The following ADAMTSL1 variants were observed in gnomAD, a reference collection of about 807,000 sequenced individuals.
The protein encoded by ADAMTSL1 is ADAMTS-like protein 1.
ADAMTSL1 carries 126 observed loss-of-function variants against 201.8 expected under a neutral mutation model. The ratio of observed to expected loss-of-function variants is 0.62; its 90% CI spans 0.54 to 0.72. The LOEUF (loss-of-function observed/expected upper bound fraction) is 0.72, where lower values mean the gene tolerates loss of function less well. Ranked by LOEUF, ADAMTSL1 falls within the 30% of genes least tolerant of loss-of-function variation. ADAMTSL1 has a pLI of 0.00. For synonymous variants in ADAMTSL1, 1,121 were observed against 903.4 expected, an observed-to-expected ratio of 1.24 and a Z score of -4.32; for missense variants, 2,679 against 2,277.8, an observed-to-expected ratio of 1.18 and a Z score of -3.59.
At chr9:18,634,311 C>G (rs951324071) in intron 5 of ADAMTSL1, among the ~76,000 whole-genome samples, 1 of 152,118 alleles carries the variant, frequency 6.6e-6, no homozygotes, top group Admixed American at 6.6e-5. Context: ...CCCATGCAAT[C>G]CCAGCACTTT....
chr9:18,725,390 C>T (rs540222771), intron 15 of ADAMTSL1, among the ~76,000 whole-genome samples: 1 of 152,252 alleles, frequency 6.6e-6, no homozygotes, highest in Admixed American at 6.5e-5. Flanking sequence ...GATGTTAATC[C>T]CTTCACAACT....
Position 18,203,121 on chromosome 9 carries a change from C to T in ADAMTSL1, c.207+39140C>T, listed in dbSNP as rs191062516. Among the ~76,000 whole-genome samples the T allele has an allele frequency of 9.9e-5, 15 of 152,242 alleles. No homozygotes were observed. The East Asian group carries it at 2.5e-3, about 26-fold the overall frequency. Reference sequence around the variant, plus strand: ...TGATCCCAAAGCTGTCCATGAATTGCACAAAGGCCGTGCTCATGCTCTGTT... The same window carrying T: ...TGATCCCAAAGCTGTCCATGAATTGTACAAAGGCCGTGCTCATGCTCTGTT... On this transcript the variant is annotated intron_variant, in intron 2 of 29. Coordinates refer to the ADAMTSL1 transcript ENST00000680146.
chr9:18,244,007 T>G (rs1831165014), intron 2 of ADAMTSL1, among the ~76,000 whole-genome samples: 1 of 152,058 alleles, frequency 6.6e-6, no homozygotes, highest in Non-Finnish European at 1.5e-5. Context: ...TGATTTTGCA[T>G]TTTTCCTTTT....
At chr9:18,713,953 A>G (rs1260743717) in intron 14 of ADAMTSL1, among the ~76,000 whole-genome samples, 2 of 149,972 alleles carry the variant, frequency 1.3e-5, no homozygotes, top group Admixed American at 1.3e-4. Context: ...TCTCACTCAA[A>G]ACTGCTCAAC....
intron 1 of ADAMTSL1, among the ~76,000 whole-genome samples, chr9:18,481,339 G>A (rs560470692): frequency 6.6e-6 from 1 of 152,216 alleles, no homozygotes; most frequent in African/African-American, 2.4e-5. Context: ...GAGGTCAGGA[G>A]TTCGAGACCA....
chr9:18,186,785 AATT>A (rs1828753459), intron 2 of ADAMTSL1, among the ~76,000 whole-genome samples: 1 of 151,930 alleles, frequency 6.6e-6, no homozygotes, highest in Middle Eastern at 3.4e-3. Context: ...CATGCTGGGA[AATT>A]ATTATTATCA....
At chr9:18,582,402 T>C (rs1164361102) in intron 4 of ADAMTSL1, among the ~76,000 whole-genome samples, 1 of 152,198 alleles carries the variant, frequency 6.6e-6, no homozygotes, top group Non-Finnish European at 1.5e-5. Flanking sequence ...TTGGCTGTGT[T>C]CTGACCCAAA....
intron 2 of ADAMTSL1, among the ~76,000 whole-genome samples, chr9:18,182,001 A>C (rs1256692591): frequency 4.6e-5 from 7 of 152,106 alleles, no homozygotes; most frequent in African/African-American, 1.2e-4. Context: ...ACATGGATGA[A>C]ATTGGAAATC....
chr9:18,529,917 CTTTTG>C (rs1055564789), intron 2 of ADAMTSL1, among the ~76,000 whole-genome samples: 1 of 152,100 alleles, frequency 6.6e-6, no homozygotes, highest in Non-Finnish European at 1.5e-5. Context: ...CTTTGCTTTG[CTTTTG>C]TTTTGTTTTG....
At chr9:18,546,486 C>G (rs891617184) in intron 3 of ADAMTSL1, among the ~76,000 whole-genome samples, 13 of 152,042 alleles carry the variant, frequency 8.6e-5, no homozygotes, top group Non-Finnish European at 1.9e-4. Flanking sequence ...TACTTTATAG[C>G]TCTTTAACAC....
intron 3 of ADAMTSL1, among the ~76,000 whole-genome samples, chr9:18,568,591 T>C (rs900978617): frequency 5.9e-5 from 9 of 152,212 alleles, no homozygotes; most frequent in African/African-American, 1.9e-4. Flanking sequence ...ATAAAGTAGA[T>C]GCCTTGCTAG....
At chr9:18,462,640 T>C (rs749688376) in intron 2 of ADAMTSL1, among the ~76,000 whole-genome samples, 1 of 152,016 alleles carries the variant, frequency 6.6e-6, no homozygotes, top group Non-Finnish European at 1.5e-5. Flanking sequence ...ATTTAATCAG[T>C]AGAAGAAGGA....
At chr9:17,921,587 C>T (rs777188797) in intron 1 of ADAMTSL1, among the ~76,000 whole-genome samples, 1 of 152,076 alleles carries the variant, frequency 6.6e-6, no homozygotes, top group Non-Finnish European at 1.5e-5. Context: ...GATCCAGTTC[C>T]CAATCTTGTT....
intron 1 of ADAMTSL1, among the ~76,000 whole-genome samples, chr9:18,048,745 C>T (rs1363203731): frequency 6.6e-6 from 1 of 152,180 alleles, no homozygotes; most frequent in Non-Finnish European, 1.5e-5. Flanking sequence ...TCCTTACCAG[C>T]TTTGTTTATA....
intron 2 of ADAMTSL1, among the ~76,000 whole-genome samples, chr9:18,250,379 G>T (rs753086774): frequency 3.7e-4 from 56 of 152,200 alleles, no homozygotes; most frequent in Non-Finnish European, 6.2e-4. Context: ...CTTTGGGAGA[G>T]ATATCTGGAG....
intron 14 of ADAMTSL1, among the ~76,000 whole-genome samples, chr9:18,714,504 G>T (rs552929954): frequency 0.023 from 3,428 of 150,944 alleles, 45 homozygotes; most frequent in Middle Eastern, 0.045. Context: ...AGAAGAAATG[G>T]ATAAATTCCT....
At chr9:18,529,625 G>C (rs1819311448) in intron 2 of ADAMTSL1, among the ~76,000 whole-genome samples, 1 of 152,166 alleles carries the variant, frequency 6.6e-6, no homozygotes, top group South Asian at 2.1e-4. Context: ...TGAATAAATA[G>C]TAGAGACTAG....
chr9:18,753,365 T>C lies in ADAMTSL1; in HGVS notation c.2074T>C (p.Phe692Leu). The C allele has an allele frequency of 6.2e-7, 1 of 1,612,584 alleles. No homozygotes were observed. The highest frequency in any genetic ancestry group is 8.5e-7 in the Non-Finnish European group (1 of 1,179,398). ...CGVGLQTRDV[F>L]CSHLLSREMN... Reference sequence around the variant, plus strand: ...GGTCGGCCTACAGACCAGAGACGTCTTCTGCAGCCACCTGCTTTCCAGAGA... The same window carrying C: ...GGTCGGCCTACAGACCAGAGACGTCCTCTGCAGCCACCTGCTTTCCAGAGA... The change falls in exon 16 of 29, where the codon TTC (phenylalanine) becomes CTC (leucine). Residue 692 changes from phenylalanine to leucine, a missense_variant. Coordinates refer to ENST00000380548, the MANE Select transcript of ADAMTSL1 (RefSeq NM_001040272.6).
At chr9:18,726,003 A>C (rs764777026) in intron 15 of ADAMTSL1, among the ~76,000 whole-genome samples, 23 of 152,230 alleles carry the variant, frequency 1.5e-4, no homozygotes, top group Non-Finnish European at 2.4e-4. Context: ...ACTTTCAGCT[A>C]TCTGACCTTC....
Sources: gnomAD v4.1 joint callset for allele counts (sites outside exome capture counted in the v4.1 genomes callset) on GRCh38, gnomAD v4.1.1 for gene constraint, MANE v1.5 for transcripts, NCBI Gene and HGNC (gene_info 2026-07-23, HGNC 2026-07-21) for gene names.